The following PRMT7 variants were observed in gnomAD, a reference collection of about 807,000 sequenced individuals.
PRMT7 encodes protein arginine N-methyltransferase 7.
PRMT7 carries 75 observed loss-of-function variants against 85.4 expected under a neutral mutation model. That is an observed-to-expected ratio of 0.88 (90% CI 0.73 to 1.06). The LOEUF (loss-of-function observed/expected upper bound fraction) is 1.06. Ranked by LOEUF, PRMT7 falls within the 50% of genes least tolerant of loss-of-function variation. The pLI is 0.00. For synonymous variants in PRMT7, 397 were observed against 359.5 expected, an observed-to-expected ratio of 1.10 and a Z score of -1.18; for missense variants, 868 against 915.2, an observed-to-expected ratio of 0.95 and a Z score of 0.67.
intron 7 of PRMT7, among the ~76,000 whole-genome samples, chr16:68,338,196 CTG>C (rs942736241): frequency 2.6e-5 from 4 of 152,074 alleles, no homozygotes; most frequent in African/African-American, 9.7e-5. Context: ...GGTTAAAAGG[CTG>C]TGGAATCGTC....
chr16:68,345,887 G>T, intron 10 of PRMT7, 85 bp downstream of exon 10: 1 of 1,575,656 alleles, frequency 6.3e-7, no homozygotes, highest in South Asian at 1.1e-5. Flanking sequence ...GGAGGTGCCA[G>T]TGGGTTGATT....
intron 6 of PRMT7, among the ~76,000 whole-genome samples, chr16:68,336,029 A>G (rs11647672): frequency 0.79 from 119,435 of 152,064 alleles, 47,694 homozygotes; most frequent in African/African-American, 0.94. Flanking sequence ...TGCCCATCTC[A>G]GCCTCCCAAA....
intron 5 of PRMT7, among the ~76,000 whole-genome samples, chr16:68,326,033 A>G (rs1054554899): frequency 2.6e-4 from 39 of 152,206 alleles, no homozygotes; most frequent in African/African-American, 9.4e-4. Flanking sequence ...AACAAAATTA[A>G]AAATTAAACA....
chr16:68,356,773 C>T lies in PRMT7; in HGVS notation c.1884C>T (p.Gly628=). ...CCCCGGAGTGCACGCTCAGCACTGG[C>T]CTCCTGGAGCCTGCAGACCCCGAGG... is the stretch of plus-strand genomic sequence containing the variant. ...HLTPECTLST[G]LLEPADPEGG... is the part of the protein sequence containing the mutation. The change falls in exon 18 of 19, where the codon GGC becomes GGT. Residue 628 remains glycine, a synonymous_variant. Coordinates refer to ENST00000441236, the MANE Select transcript of PRMT7 (RefSeq NM_019023.5). 6.2e-7 allele frequency: 1 copy of T among 1,609,924 alleles called. No individual in the cohort carries two copies. The highest frequency in any genetic ancestry group is 1.3e-5 in the African/African-American group (1 of 74,956).
chr16:68,325,080 G>A (rs112235996), intron 5 of PRMT7, among the ~76,000 whole-genome samples: 15 of 152,364 alleles, frequency 9.8e-5, no homozygotes, highest in African/African-American at 3.4e-4. Flanking sequence ...CTTACAGGCT[G>A]GGCACAGTGG....
chr16:68,334,097 G>A (rs144524988), intron 6 of PRMT7, among the ~76,000 whole-genome samples: 30 of 152,204 alleles, frequency 2.0e-4, no homozygotes, highest in African/African-American at 5.8e-4. Flanking sequence ...TCTTCATAGC[G>A]CTTACCACTG....
chr16:68,357,970 G>C lies in PRMT7; in HGVS notation c.*746G>C, dbSNP rs991569422. 2.0e-5 allele frequency: 3 copies of C among 152,270 alleles called. No individual in the cohort carries two copies. The highest frequency in any genetic ancestry group is 6.5e-5 in the Admixed American group (1 of 15,290). The allele number at this position is 152,270 out of a possible 1,614,324, so 9.4% of individuals were successfully genotyped here. ...AGATTGGAAAGCCCCTCCTGCAGGT[G>C]GGGTATGGCAGGGAGCAGCCCCTGC... On this transcript the variant is annotated 3_prime_UTR_variant, in exon 19 of 19. Coordinates refer to ENST00000441236, the MANE Select transcript of PRMT7 (RefSeq NM_019023.5).
intron 9 of PRMT7, among the ~76,000 whole-genome samples, chr16:68,340,775 C>T (rs993028721): frequency 2.0e-5 from 3 of 152,064 alleles, no homozygotes; most frequent in Non-Finnish European, 2.9e-5. Flanking sequence ...GCTGGATTTG[C>T]GTCTGTGCAG....
chr16:68,355,415 A>C (rs1257931645), intron 16 of PRMT7: 1 of 245,926 alleles, frequency 4.1e-6, no homozygotes, highest in African/African-American at 2.2e-5. Context: ...GGTGGTCACC[A>C]AGTTTCTAGG....
intron 4 of PRMT7, chr16:68,324,376 G>A (rs1405219596): frequency 5.1e-5 from 19 of 371,042 alleles, no homozygotes; most frequent in Non-Finnish European, 4.0e-5. Flanking sequence ...CCTTCCAGTC[G>A]CCCTCTTGGT....
At chr16:68,315,731 A>T (rs893083144) in intron 2 of PRMT7, 166 bp from the exon 3 acceptor site, 65 of 476,990 alleles carry the variant, frequency 1.4e-4, no homozygotes, top group Non-Finnish European at 2.2e-4. Flanking sequence ...TACAATATCG[A>T]TTAACAAATA....
chr16:68,318,410 A>G (rs1049204111), intron 3 of PRMT7, among the ~76,000 whole-genome samples: 1 of 152,194 alleles, frequency 6.6e-6, no homozygotes. Context: ...CGTGTTAGCC[A>G]GGATGATCTT....
chr16:68,343,902 T>C (rs538130035), intron 9 of PRMT7, among the ~76,000 whole-genome samples: 1 of 151,390 alleles, frequency 6.6e-6, no homozygotes. Flanking sequence ...CAGGGCCAAG[T>C]TTTTCTTAGT....
chr16:68,346,417 C>T (rs905971357), intron 11 of PRMT7, 137 bp downstream of exon 11: 6 of 1,239,198 alleles, frequency 4.8e-6, no homozygotes, highest in Non-Finnish European at 6.7e-6. Context: ...CGAGCGCCTC[C>T]TGGGTGGGCA....
At chr16:68,348,509 C>A in intron 14 of PRMT7, 78 bp downstream of exon 14, 1 of 1,190,194 alleles carries the variant, frequency 8.4e-7, no homozygotes, top group Non-Finnish European at 1.2e-6. Context: ...CCAGGCCCCA[C>A]CCTGTCCCTG....
intron 3 of PRMT7, among the ~76,000 whole-genome samples, chr16:68,321,130 G>A (rs1017929152): frequency 6.6e-6 from 1 of 152,008 alleles, no homozygotes; most frequent in African/African-American, 2.4e-5. Flanking sequence ...TTAGCCAGGC[G>A]TGGTGGTGAG....
At chr16:68,359,240 G>A (rs2089080477), downstream of PRMT7, 2 of 152,536 alleles carry the variant, frequency 1.3e-5, no homozygotes, top group Non-Finnish European at 1.5e-5. Context: ...TCGCTTGTGT[G>A]AGCAGAGTAC....
chr16:68,347,780 C>A, intron 13 of PRMT7, 102 bp downstream of exon 13: 10 of 1,061,978 alleles, frequency 9.4e-6, no homozygotes, highest in Non-Finnish European at 1.4e-5. Flanking sequence ...GGAGTGGTGG[C>A]TCGCTTGCAC....
rs188559584 is a variant in PRMT7, at chr16:68,328,819, T to A, written c.283-247T>A. Among the ~76,000 whole-genome samples, 79 of 152,272 alleles carry A rather than the reference T, an allele frequency of 5.2e-4. 1 individual carries two copies. Among genetic ancestry groups the A allele is most frequent in the Admixed American group, 3.7e-3 (56 of 15,296 alleles). On this transcript the variant is annotated intron_variant, in intron 5 of 18. Coordinates refer to ENST00000441236, the MANE Select transcript of PRMT7 (RefSeq NM_019023.5). ...GTGCGGTACTGACACCTACTGCTCT[T>A]ACTAAGTAGTGCAGCCTCCTCAGGA... is the stretch of plus-strand genomic sequence containing the variant.
Sources: gnomAD v4.1 joint callset for allele counts (sites outside exome capture counted in the v4.1 genomes callset) on GRCh38, gnomAD v4.1.1 for gene constraint, MANE v1.5 for transcripts, NCBI Gene and HGNC (gene_info 2026-07-23, HGNC 2026-07-21) for gene names.